RGL2: variants seen among roughly 807,000 people sequenced by gnomAD.
The protein encoded by RGL2 is ral guanine nucleotide dissociation stimulator-like 2.
A neutral mutation model predicts 84.6 loss-of-function variants in RGL2; 40 were observed. The observed-to-expected ratio is 0.47, with a 90% CI of 0.37 to 0.62. The LOEUF (loss-of-function observed/expected upper bound fraction) is 0.62. Ranked by LOEUF, RGL2 falls within the 20% of genes least tolerant of loss-of-function variation. The probability of loss-of-function intolerance (pLI) is 0.00; values close to 1 mark genes in which losing one functional copy is unlikely to be tolerated. For synonymous variants in RGL2, 369 were observed against 417.3 expected, an observed-to-expected ratio of 0.88 and a Z score of 1.41; for missense variants, 865 against 1,019.7, an observed-to-expected ratio of 0.85 and a Z score of 2.07.
rs773461832 is a variant in RGL2 at position 33,296,797 on chromosome 6, A to T, written c.241-21T>A. ...GGGACCTGGAGAACACAGAGAGATGATCGCTAACCCTTTCTCCCACTCTGC... is the reference window on the plus strand; with the variant it reads ...GGGACCTGGAGAACACAGAGAGATGTTCGCTAACCCTTTCTCCCACTCTGC... On this transcript the variant is annotated intron_variant, in intron 3 of 17. Coordinates refer to ENST00000497454, the MANE Select transcript of RGL2 (RefSeq NM_004761.5). This position sits in a 1 kb window ranked among gnomAD's most constrained non-coding sequence, Gnocchi z 5.0. 6.2e-7 allele frequency: 1 copy of T among 1,613,818 alleles called. No individual in the cohort carries two copies. The highest frequency in any genetic ancestry group is 8.5e-7 in the Non-Finnish European group (1 of 1,179,936).
Position 33,295,602 on chromosome 6 carries a change from G to A in RGL2, c.926C>T (p.Thr309Ile). 1.9e-6 allele frequency: 3 copies of A among 1,614,000 alleles called. No homozygotes were observed. The highest frequency in any genetic ancestry group is 2.5e-6 in the Non-Finnish European group (3 of 1,180,044). Residue 309 changes from threonine (T) to isoleucine (I), a missense_variant, in exon 7 of 18, where the codon ACT becomes ATT. Physicochemically the swap from Thr to Ile is moderately conservative, Grantham distance 89. Transcript: ENST00000497454. This position sits in a 1 kb window ranked among gnomAD's most constrained non-coding sequence, Gnocchi z 7.2. ...CTCCCCAGGTCCCTCTCCAGTGGAA[G>A]TAGCCCCCAGGACAGAACTAACCAC... ...GAVVSSVLGA[T>I]STGEGPGEVT...
Position 33,293,147 on chromosome 6 carries a change from C to T in RGL2, c.1876G>A (p.Gly626Arg). ...RSASCGSPLS[G>R]GAEEASGGTG... Reference sequence around the variant, plus strand: ...CCCCCGGAGGCCTCTTCTGCACCCCCACTCAGCGGGGAGCCACAGGAGGCT... The same window carrying T: ...CCCCCGGAGGCCTCTTCTGCACCCCTACTCAGCGGGGAGCCACAGGAGGCT... Residue 626 changes from glycine to arginine, a missense_variant, in exon 16 of 18, where the codon GGG becomes AGG. Coordinates refer to ENST00000497454, the MANE Select transcript of RGL2 (RefSeq NM_004761.5). The surrounding 1 kb of genome is among the most constrained non-coding windows in gnomAD (Gnocchi z 7.0). The T allele has an allele frequency of 6.2e-7, 1 of 1,611,222 alleles. No individual in the cohort carries two copies. Among genetic ancestry groups the T allele is most frequent in the Non-Finnish European group, 8.5e-7 (1 of 1,178,662 alleles).
At chr6:33,292,687 A>C in intron 16 of RGL2, 143 bp from the exon 17 acceptor site, 2 of 731,728 alleles carry the variant, frequency 2.7e-6, no homozygotes, top group Non-Finnish European at 4.6e-6. Context: ...GTGGCTTCCT[A>C]TACCCCATAA....
At position 33,295,330 on chromosome 6, in the gene RGL2, C is replaced by A; in HGVS notation, c.1113G>T (p.Gly371=). Residue 371 remains glycine, a synonymous_variant, in exon 8 of 18, where the codon GGG becomes GGT. Coordinates refer to ENST00000497454, the MANE Select transcript of RGL2 (RefSeq NM_004761.5). The surrounding 1 kb of genome is among the most constrained non-coding windows in gnomAD (Gnocchi z 7.2). ...SPIHRLRAAW[G]EATRDSLRVF... is the part of the protein sequence containing the mutation. ...CTCAGCCTCCGCACCTGGTTGCTTCCCCCCAGGCTGCCCGAAGCCTGTGGA... is the reference window on the plus strand; with the variant it reads ...CTCAGCCTCCGCACCTGGTTGCTTCACCCCAGGCTGCCCGAAGCCTGTGGA... 1 of 1,579,582 alleles carries A rather than the reference C, an allele frequency of 6.3e-7. No individual in the cohort carries two copies. The highest frequency in any genetic ancestry group is 8.6e-7 in the Non-Finnish European group (1 of 1,163,018).
Position 33,296,851 on chromosome 6 carries a change from C to T in RGL2, c.241-75G>A, listed in dbSNP as rs920199464. On this transcript the variant is annotated intron_variant, in intron 3 of 17. Transcript: ENST00000497454. This position sits in a 1 kb window ranked among gnomAD's most constrained non-coding sequence, Gnocchi z 5.0. ...TAGATTTCTGAGGACAATCCCAGACCCAGGAGATGTTCCAGACTCATTTTT... is the reference window on the plus strand; with the variant it reads ...TAGATTTCTGAGGACAATCCCAGACTCAGGAGATGTTCCAGACTCATTTTT... The T allele has an allele frequency of 1.3e-6, 2 of 1,585,574 alleles. No individual in the cohort carries two copies. The highest frequency in any genetic ancestry group is 1.7e-6 in the Non-Finnish European group (2 of 1,154,432).
Position 33,296,405 on chromosome 6 carries a change from G to T in RGL2, c.470+9C>A. On this transcript the variant is annotated intron_variant, in intron 5 of 17. Transcript: ENST00000497454. This position sits in a 1 kb window ranked among gnomAD's most constrained non-coding sequence, Gnocchi z 5.0. Reference sequence around the variant, plus strand: ...GGGACTGTGAGATTAAGAACCAGGGGTCACTCACTCTGTTGTCCTCTCTAG... The same window carrying T: ...GGGACTGTGAGATTAAGAACCAGGGTTCACTCACTCTGTTGTCCTCTCTAG... 6.2e-7 allele frequency: 1 copy of T among 1,610,390 alleles called. No homozygotes were observed. Among genetic ancestry groups the T allele is most frequent in the Non-Finnish European group, 8.5e-7 (1 of 1,177,996 alleles).
In RGL2 at chr6:33,297,199, C is replaced by A; in HGVS notation, c.157-84G>T. 9.9e-7 allele frequency: 1 copy of A among 1,014,962 alleles called. No homozygotes were observed. Among genetic ancestry groups the A allele is most frequent in the East Asian group, 2.4e-5 (1 of 41,338 alleles). 62.9% of individuals were successfully genotyped at this position (1,014,962 alleles called of 1,614,324 possible). A position where few individuals can be genotyped will look rare whatever the true frequency, so the allele number is the denominator to read the frequency against. On this transcript the variant is annotated intron_variant, in intron 2 of 17. Transcript: ENST00000497454. This position sits in a 1 kb window ranked among gnomAD's most constrained non-coding sequence, Gnocchi z 4.0. ...CCTTCACCCCAGGCCCTGCTCCTCC[C>A]TCTGTACCCCTCACCTGTGGTGGCA...
upstream of RGL2, chr6:33,300,602 C>G (rs970138337): frequency 6.9e-6 from 1 of 143,992 alleles, no homozygotes; most frequent in Non-Finnish European, 1.5e-5. Context: ...CGGAGCGTGC[C>G]GTGAGCCGAG....
chr6:33,294,870 A>AC lies in RGL2; in HGVS notation c.1278+106dup. The AC allele has an allele frequency of 2.0e-6, 3 of 1,485,936 alleles. No individual in the cohort carries two copies. The highest frequency in any genetic ancestry group is 2.8e-6 in the Non-Finnish European group (3 of 1,088,750). The allele number at this position is 1,485,936 out of a possible 1,614,324, so 92.0% of individuals were successfully genotyped here. A position where few individuals can be genotyped will look rare whatever the true frequency, so the allele number is the denominator to read the frequency against. On this transcript the variant is annotated intron_variant, in intron 10 of 17. Transcript: ENST00000497454. This position sits in a 1 kb window ranked among gnomAD's most constrained non-coding sequence, Gnocchi z 5.0. ...TCAGAGAACAGATTTCATTCTCCTC[A>AC]CCCCTCTGTGCCTCCCTTACCCATC...
chr6:33,295,293 C>T lies in RGL2; in HGVS notation c.1124+26G>A. 6.4e-7 allele frequency: 1 copy of T among 1,560,836 alleles called. No individual in the cohort carries two copies. Among genetic ancestry groups the T allele is most frequent in the Non-Finnish European group, 8.7e-7 (1 of 1,152,142 alleles). ...CCCCGCCTTCTGAGGAACCCCCACC[C>T]CAGTCCAATGCCTCAGCCTCCGCAC... On this transcript the variant is annotated intron_variant, in intron 8 of 17. Transcript: ENST00000497454. The surrounding 1 kb of genome is among the most constrained non-coding windows in gnomAD (Gnocchi z 7.2).
At position 33,293,549 on chromosome 6, in the gene RGL2, A is replaced by G. The variant is rs1767642859; in HGVS notation, c.1605-25T>C. The G allele has an allele frequency of 1.9e-6, 3 of 1,612,638 alleles. No individual in the cohort carries two copies. The East Asian group carries it at 6.7e-5, about 36-fold the overall frequency. On this transcript the variant is annotated intron_variant, in intron 14 of 17. Transcript: ENST00000497454. This position sits in a 1 kb window ranked among gnomAD's most constrained non-coding sequence, Gnocchi z 7.0. ...CCTGCAGTGGCAGGAGATTGGGAGG[A>G]TCAGAGAAAAGTGGAAGTCCCAAGA...
rs757125445 is a variant in RGL2 at position 33,295,540 on chromosome 6, G to T, written c.988C>A (p.Arg330=). ...IRPLRPPQRA[R]LLEKWIRVAE... ...ACGCGGATCCACTTCTCCAGGAGCC[G>T]GGCCCTCTGTGGGGGACGGAGTGGC... The change falls in exon 7 of 18, where the codon CGG becomes AGG. Residue 330 remains arginine, a synonymous_variant. Transcript: ENST00000497454. The surrounding 1 kb of genome is among the most constrained non-coding windows in gnomAD (Gnocchi z 7.2). 6.2e-7 allele frequency: 1 copy of T among 1,613,840 alleles called. No individual in the cohort carries two copies. Among genetic ancestry groups the T allele is most frequent in the South Asian group, 1.1e-5 (1 of 91,070 alleles).
intron 16 of RGL2, 63 bp downstream of exon 16, chr6:33,292,953 A>T: frequency 6.3e-7 from 1 of 1,593,154 alleles, no homozygotes; most frequent in Non-Finnish European, 8.6e-7. Context: ...CAAACCTCAG[A>T]CAACATTTAT....
At position 33,293,075 on chromosome 6, in the gene RGL2, G is replaced by C. The variant is rs182884865; in HGVS notation, c.1948C>G (p.Arg650Gly). The C allele has an allele frequency of 1.9e-6, 3 of 1,614,146 alleles. No individual in the cohort carries two copies. The East Asian group carries it at 6.7e-5, about 36-fold the overall frequency. ...AACTCCATCTGGACTCGGATGATAC[G>C]GCAATCAGAGGCCCCTGGCCCAGAT... ...EGSGPGASDC[R>G]IIRVQMELGE... Residue 650 changes from arginine (R) to glycine (G), a missense_variant, in exon 16 of 18, where the codon CGT becomes GGT. Around this residue, in one of 5 missense-constraint regions of RGL2, gnomAD observed 302 missense variants for 327.9 expected, o/e 0.92. Coordinates refer to ENST00000497454, the MANE Select transcript of RGL2 (RefSeq NM_004761.5). This position sits in a 1 kb window ranked among gnomAD's most constrained non-coding sequence, Gnocchi z 7.0.
Position 33,295,565 on chromosome 6 carries a change from C to A in RGL2, c.963G>T (p.Arg321=). ...GGGCCCTCTGTGGGGGACGGAGTGG[C>A]CGTATGGTCACCTCCCCAGGTCCCT... ...TGEGPGEVTI[R]PLRPPQRARL... Residue 321 remains arginine, a synonymous_variant, in exon 7 of 18, where the codon CGG becomes CGT. Transcript: ENST00000497454. The surrounding 1 kb of genome is among the most constrained non-coding windows in gnomAD (Gnocchi z 7.2). The A allele has an allele frequency of 6.2e-7, 1 of 1,613,938 alleles. No individual in the cohort carries two copies. Among genetic ancestry groups the A allele is most frequent in the Non-Finnish European group, 8.5e-7 (1 of 1,180,018 alleles).
rs2150949050 is a variant in RGL2, at chr6:33,298,866, T to G, written c.-42+4A>C. ...GGGGACGCGCAGGGTGCTCAGGCTCTGACCTGCTCGGGAGGGGTGGGGGCA... is the reference window on the plus strand; with the variant it reads ...GGGGACGCGCAGGGTGCTCAGGCTCGGACCTGCTCGGGAGGGGTGGGGGCA... On this transcript the variant is annotated splice_donor_region_variant and intron_variant, in intron 1 of 17. Coordinates refer to ENST00000497454, the MANE Select transcript of RGL2 (RefSeq NM_004761.5). The surrounding 1 kb of genome is among the most constrained non-coding windows in gnomAD (Gnocchi z 4.8). The G allele has an allele frequency of 3.4e-4, 84 of 245,104 alleles. No individual in the cohort carries two copies. Among genetic ancestry groups the G allele is most frequent in the East Asian group, 6.2e-4 (8 of 12,846 alleles). The allele number at this position is 245,104 out of a possible 1,614,324, so 15.2% of individuals were successfully genotyped here.
In RGL2 at chr6:33,292,490, T is replaced by C; in HGVS notation, c.2062A>G (p.Asn688Asp). The change falls in exon 17 of 18, where the codon AAT (asparagine) becomes GAT (aspartate). Residue 688 changes from asparagine (N) to aspartate (D), a missense_variant. Asn to Asp is a conservative substitution (Grantham distance 23). Coordinates refer to ENST00000497454, the MANE Select transcript of RGL2 (RefSeq NM_004761.5). ...SVISRVLKKN[N>D]RDSAVASEYE... is the part of the protein sequence containing the mutation. The stretch of plus-strand genomic sequence containing the variant: ...TCTGAAGCCACTGCAGAGTCACGAT[T>C]GTTTTTCTTAAGGACACGACTGATG... The C allele has an allele frequency of 6.2e-7, 1 of 1,614,136 alleles. No individual in the cohort carries two copies. The highest frequency in any genetic ancestry group is 8.5e-7 in the Non-Finnish European group (1 of 1,180,016).
In RGL2 at chr6:33,295,321, G is replaced by A; in HGVS notation, c.1122C>T (p.Thr374=). ...GTCCAATGCCTCAGCCTCCGCACCT[G>A]GTTGCTTCCCCCCAGGCTGCCCGAA... The part of the protein sequence containing the change: ...HRLRAAWGEA[T]RDSLRVFSSL... The change falls in exon 8 of 18, where the codon ACC becomes ACT. Residue 374 remains threonine (T), a splice_region_variant and synonymous_variant. Coordinates refer to ENST00000497454, the MANE Select transcript of RGL2 (RefSeq NM_004761.5). This position sits in a 1 kb window ranked among gnomAD's most constrained non-coding sequence, Gnocchi z 7.2. 1 of 1,572,970 alleles carries A rather than the reference G, an allele frequency of 6.4e-7. No individual in the cohort carries two copies. Among genetic ancestry groups the A allele is most frequent in the Non-Finnish European group, 8.6e-7 (1 of 1,159,232 alleles).
rs576243113 is a variant in RGL2 at position 33,294,228 on chromosome 6, A to G, written c.1354-162T>C. Among the ~76,000 whole-genome samples, 5 of 151,828 alleles carry G rather than the reference A, an allele frequency of 3.3e-5. No individual in the cohort carries two copies. In the South Asian group the frequency reaches 6.3e-4, roughly 19 times the overall value. On this transcript the variant is annotated intron_variant, in intron 11 of 17. Coordinates refer to ENST00000497454, the MANE Select transcript of RGL2 (RefSeq NM_004761.5). The surrounding 1 kb of genome is among the most constrained non-coding windows in gnomAD (Gnocchi z 5.0). ...CCCTCCCTGCCTTCCTCCTCAATCT[A>G]TCATGGCCTAAGCACTCCACTTGAC...
Sources: allele counts gnomAD v4.1 joint callset (sites outside exome capture counted in the v4.1 genomes callset), GRCh38; gene constraint gnomAD v4.1.1; regional missense constraint gnomAD v4.1.1; non-coding constraint Gnocchi (gnomAD v3.1); transcripts MANE v1.5; gene names NCBI Gene and HGNC (gene_info 2026-07-23, HGNC 2026-07-21).